Variants in KANSL1L observed in about 807,000 individuals in gnomAD.
KANSL1L encodes KAT8 regulatory NSL complex subunit 1 like, also known as KAT8 regulatory NSL complex subunit 1-like protein.
Under a neutral mutation model 108.6 loss-of-function variants are expected in KANSL1L, and 25 were observed. The observed-to-expected ratio is 0.23, with a 90% CI of 0.17 to 0.32. The LOEUF is 0.32. Ranked by LOEUF, KANSL1L falls within the 10% of genes least tolerant of loss-of-function variation. KANSL1L has a pLI of 1.00. For synonymous variants in KANSL1L, 405 were observed against 395.1 expected, an observed-to-expected ratio of 1.03 and a Z score of -0.30; for missense variants, 1,137 against 1,125.7, an observed-to-expected ratio of 1.01 and a Z score of -0.14.
At chr2:210,114,760 A>G (rs2094938738) in intron 3 of KANSL1L, among the ~76,000 whole-genome samples, 1 of 152,136 alleles carries the variant, frequency 6.6e-6, no homozygotes, top group Admixed American at 6.5e-5. Flanking sequence ...GGGACACATT[A>G]GTATAAGGAT....
At chr2:210,140,899 G>C (rs983740624) in intron 2 of KANSL1L, among the ~76,000 whole-genome samples, 1 of 152,060 alleles carries the variant, frequency 6.6e-6, no homozygotes, top group African/African-American at 2.4e-5. Flanking sequence ...TTTTAAGTAG[G>C]ATGGTTTTCT....
chr2:210,151,505 G>A (rs2095303486), intron 2 of KANSL1L: 1 of 152,146 alleles, frequency 6.6e-6, no homozygotes, highest in Non-Finnish European at 1.5e-5. Flanking sequence ...AATAATTCTT[G>A]TAGCTCTAAG....
intron 8 of KANSL1L, among the ~76,000 whole-genome samples, chr2:210,036,195 T>C (rs534192294): frequency 6.6e-6 from 1 of 152,206 alleles, no homozygotes; most frequent in Admixed American, 6.5e-5. Context: ...ATATAATTTC[T>C]TTTTAAGATA....
chr2:210,132,358 T>G (rs2095129621), intron 2 of KANSL1L, among the ~76,000 whole-genome samples: 1 of 152,062 alleles, frequency 6.6e-6, no homozygotes, highest in Non-Finnish European at 1.5e-5. Flanking sequence ...ACTGACTCCC[T>G]GAATCTTTCT....
Position 210,025,214 on chromosome 2 carries a change from T to G in KANSL1L, c.2454A>C (p.Ile818=). ...AGAAGACTTCATCAGAAAGATCTTC[T>G]ATCTGGAATTAGAAATAAAGATTTT... ...LDEYNLGKEE[I]EDLSDEVFSL... is the part of the protein sequence containing the mutation. The change falls in exon 13 of 15, where the codon ATA becomes ATC. Residue 818 remains isoleucine, a splice_region_variant and synonymous_variant. Transcript: ENST00000281772. 4 of 1,502,732 alleles carry G rather than the reference T, an allele frequency of 2.7e-6. No homozygotes were observed. The highest frequency in any genetic ancestry group is 3.4e-4 in the Middle Eastern group (2 of 5,866). 93.1% of individuals were successfully genotyped at this position (1,502,732 alleles called of 1,614,324 possible). A position where few individuals can be genotyped will look rare whatever the true frequency, so the allele number is the denominator to read the frequency against.
In KANSL1L at chr2:210,075,893, G is replaced by A. The variant is rs182628734; in HGVS notation, c.1551-137C>T. On this transcript the variant is annotated intron_variant, in intron 5 of 14. Transcript: ENST00000281772. ...AGTATTAATTTTAACCAATTTTGTG[G>A]TAACAATTGGTAAAATATTTTGTAT... is the stretch of plus-strand genomic sequence containing the variant. 2,908 of 614,894 alleles carry A rather than the reference G, an allele frequency of 4.7e-3. 18 individuals carry two copies. The highest frequency in any genetic ancestry group is 6.3e-3 in the Non-Finnish European group (2,261 of 356,940). The allele number at this position is 614,894 out of a possible 1,614,324, so 38.1% of individuals were successfully genotyped here. A position where few individuals can be genotyped will look rare whatever the true frequency, so the allele number is the denominator to read the frequency against.
intron 2 of KANSL1L, among the ~76,000 whole-genome samples, chr2:210,145,199 T>C (rs2095257067): frequency 6.6e-6 from 1 of 152,194 alleles, no homozygotes. Flanking sequence ...CATCTCTTTT[T>C]CTCCTGCCAG....
intron 3 of KANSL1L, among the ~76,000 whole-genome samples, chr2:210,116,666 A>G (rs1356032983): frequency 1.3e-5 from 2 of 152,210 alleles, no homozygotes; most frequent in East Asian, 3.9e-4. Flanking sequence ...TGAGTCCACA[A>G]AAGATGCAGT....
At chr2:210,097,773 A>T (rs1403786790) in intron 5 of KANSL1L, 1 of 162,090 alleles carries the variant, frequency 6.2e-6, no homozygotes, top group Non-Finnish European at 1.3e-5. Context: ...TCAAGAATAC[A>T]AAAGGTACAA....
At position 210,027,209 on chromosome 2, in the gene KANSL1L, A is replaced by G. The variant is rs534035896; in HGVS notation, c.2451+87T>C. The G allele has an allele frequency of 1.7e-4, 147 of 857,748 alleles. 2 individuals carry two copies. The East Asian group carries it at 1.7e-3, about 10-fold the overall frequency. The allele number at this position is 857,748 out of a possible 1,614,324, so 53.1% of individuals were successfully genotyped here. A position where few individuals can be genotyped will look rare whatever the true frequency, so the allele number is the denominator to read the frequency against. The stretch of plus-strand genomic sequence containing the variant: ...AATCAGTGTAAGTTAAAGGGCTTAT[A>G]TATTCCTTTAGTTCCCTGAATGTCA... On this transcript the variant is annotated intron_variant, in intron 12 of 14. Coordinates refer to ENST00000281772, the MANE Select transcript of KANSL1L (RefSeq NM_152519.4).
intron 5 of KANSL1L, among the ~76,000 whole-genome samples, chr2:210,083,732 G>A (rs1213169686): frequency 6.6e-6 from 1 of 151,232 alleles, no homozygotes; most frequent in Non-Finnish European, 1.5e-5. Context: ...GGGAGGCTGA[G>A]GCAGGAAAAT....
At chr2:210,165,623 G>A (rs1376773713) in intron 1 of KANSL1L, among the ~76,000 whole-genome samples, 1 of 152,068 alleles carries the variant, frequency 6.6e-6, no homozygotes, top group Non-Finnish European at 1.5e-5. Flanking sequence ...TAGTTGCTCT[G>A]AAATTATTAT....
At chr2:210,130,569 C>G (rs529427040) in intron 2 of KANSL1L, among the ~76,000 whole-genome samples, 6 of 152,072 alleles carry the variant, frequency 3.9e-5, no homozygotes, top group Non-Finnish European at 7.4e-5. Context: ...TTAAAGACAC[C>G]ATATGATTTA....
chr2:210,086,400 T>C (rs2094637480), intron 5 of KANSL1L, among the ~76,000 whole-genome samples: 1 of 151,948 alleles, frequency 6.6e-6, no homozygotes, highest in South Asian at 2.1e-4. Context: ...GATAATAAAA[T>C]GTAATGCTTC....
chr2:210,075,963 C>T (rs1397223860), intron 5 of KANSL1L, among the ~76,000 whole-genome samples: 2 of 152,106 alleles, frequency 1.3e-5, no homozygotes, highest in Non-Finnish European at 1.5e-5. Context: ...ATCTTTACAT[C>T]TATTTTCTCC....
chr2:210,050,693 G>GAAA (rs1169870752), intron 6 of KANSL1L, among the ~76,000 whole-genome samples: 10 of 53,392 alleles, frequency 1.9e-4, no homozygotes, highest in Non-Finnish European at 1.6e-4. Flanking sequence ...CATCTCTACA[G>GAAA]AAAAAAAAAA....
intron 2 of KANSL1L, among the ~76,000 whole-genome samples, chr2:210,141,364 T>C (rs1413681175): frequency 3.3e-5 from 5 of 152,164 alleles, no homozygotes; most frequent in African/African-American, 9.7e-5. Context: ...CCCAATGTGA[T>C]GGCCTTAAGA....
intron 6 of KANSL1L, among the ~76,000 whole-genome samples, chr2:210,059,953 G>C (rs1440339994): frequency 6.6e-6 from 1 of 152,112 alleles, no homozygotes; most frequent in African/African-American, 2.4e-5. Flanking sequence ...AAGTTAGCCA[G>C]GTTGGTCTCG....
In KANSL1L at chr2:210,043,993, C is replaced by T. The variant is rs1312367333; in HGVS notation, c.1867G>A (p.Glu623Lys). The change falls in exon 7 of 15, where the codon GAA becomes AAA. Residue 623 changes from glutamate (E) to lysine (K), a missense_variant. Glu to Lys is a moderately conservative substitution (Grantham distance 56). This residue lies in a region of KANSL1L where 575 missense variants were observed against 567.1 expected (regional missense o/e 1.01). Coordinates refer to ENST00000281772, the MANE Select transcript of KANSL1L (RefSeq NM_152519.4). ...EHNSESYLLREHVSELDSSFH... is the reference protein window; with the variant it reads ...EHNSESYLLRKHVSELDSSFH... The stretch of plus-strand genomic sequence containing the variant: ...GAGGAATCTAACTCTGATACATGTT[C>T]TCTTAATAGGTAAGACTCCGAATTG... The T allele has an allele frequency of 3.1e-6, 5 of 1,608,118 alleles. No individual in the cohort carries two copies. Among genetic ancestry groups the T allele is most frequent in the Non-Finnish European group, 4.2e-6 (5 of 1,176,844 alleles).
Sources: gnomAD v4.1 joint callset for allele counts (sites outside exome capture counted in the v4.1 genomes callset) on GRCh38, gnomAD v4.1.1 for gene constraint, gnomAD v4.1.1 regional missense constraint, MANE v1.5 for transcripts, NCBI Gene and HGNC (gene_info 2026-07-23, HGNC 2026-07-21) for gene names.